COL5A2: variants seen among roughly 807,000 people sequenced by gnomAD.
COL5A2 encodes collagen type V alpha 2 chain.
A neutral mutation model predicts 208.2 loss-of-function variants in COL5A2; 23 were observed. The ratio of observed to expected loss-of-function variants is 0.11; its 90% CI spans 0.08 to 0.16. The LOEUF (loss-of-function observed/expected upper bound fraction) is 0.16, where lower values mean the gene tolerates loss of function less well. Among genes scored for constraint, COL5A2 ranks in the 10% least tolerant of loss-of-function variants. COL5A2 has a pLI of 1.00. For missense variants in COL5A2, 1,590 were observed against 1,956.4 expected, an observed-to-expected ratio of 0.81 and a Z score of 3.53; for synonymous variants, 625 against 628.5, an observed-to-expected ratio of 0.99 and a Z score of 0.08.
chr2:189,311,739 C>A, the COL5A2 span: 3 of 769,700 alleles, frequency 3.9e-6, no homozygotes, highest in African/African-American at 1.7e-5. Context: ...TCTGCTGAGA[C>A]CAGTACTTGT....
intron 6 of COL5A2, 45 bp downstream of exon 6, chr2:189,097,232 T>A (rs1686937282): frequency 6.3e-7 from 1 of 1,591,364 alleles, no homozygotes; most frequent in East Asian, 2.2e-5. Context: ...CAGTGTAAAC[T>A]GACTGGCTGT....
At chr2:189,267,117 G>C in the COL5A2 span, among the ~76,000 whole-genome samples, 1 of 151,984 alleles carries the variant, frequency 6.6e-6, no homozygotes, top group Non-Finnish European at 1.5e-5. Context: ...ATTTGATAGA[G>C]TTATTTTCAT....
intron 9 of COL5A2, 54 bp downstream of exon 9, chr2:189,086,672 A>ATG (rs1284299196): frequency 9.6e-6 from 13 of 1,348,898 alleles, no homozygotes; most frequent in African/African-American, 1.4e-5. Context: ...TATGTAATAT[A>ATG]TGTGTGTGTG....
intron 1 of COL5A2, among the ~76,000 whole-genome samples, chr2:189,113,835 A>G (rs967492966): frequency 1.3e-5 from 2 of 151,866 alleles, no homozygotes; most frequent in African/African-American, 4.8e-5. Flanking sequence ...ACACGTAATG[A>G]TGTCAATTAA....
the COL5A2 span, among the ~76,000 whole-genome samples, chr2:189,431,569 T>G: frequency 6.6e-6 from 1 of 152,110 alleles, no homozygotes; most frequent in Non-Finnish European, 1.5e-5. Flanking sequence ...CAATAGCTGA[T>G]TCAATCAAGT....
At chr2:189,049,294 G>T in intron 44 of COL5A2, 53 bp downstream of exon 44, 1 of 1,253,418 alleles carries the variant, frequency 8.0e-7, no homozygotes, top group Non-Finnish European at 1.2e-6. Context: ...GAAAAAAATT[G>T]TTTCCATGAC....
At chr2:189,295,664 T>A in the COL5A2 span, among the ~76,000 whole-genome samples, 64 of 152,118 alleles carry the variant, frequency 4.2e-4, no homozygotes, top group Non-Finnish European at 8.1e-4. Context: ...TTTAACTTAG[T>A]TTGACAAAAT....
the COL5A2 span, among the ~76,000 whole-genome samples, chr2:189,377,165 G>A: frequency 6.6e-5 from 10 of 152,224 alleles, no homozygotes; most frequent in Non-Finnish European, 1.0e-4. Context: ...CTGCAGAACC[G>A]TACCCAGGCA....
the COL5A2 span, among the ~76,000 whole-genome samples, chr2:189,325,605 T>C: frequency 2.0e-5 from 3 of 152,260 alleles, no homozygotes; most frequent in Admixed American, 1.3e-4. Flanking sequence ...TGCAGTGATT[T>C]TTCTTGTCAT....
chr2:189,176,818 C>A (rs1176599855), intron 1 of COL5A2, among the ~76,000 whole-genome samples: 1 of 151,794 alleles, frequency 6.6e-6, no homozygotes, highest in African/African-American at 2.4e-5. Flanking sequence ...TGATTTTTTT[C>A]ATTTTAACTC....
At chr2:189,331,867 A>G in the COL5A2 span, among the ~76,000 whole-genome samples, 4 of 151,642 alleles carry the variant, frequency 2.6e-5, no homozygotes, top group Admixed American at 2.6e-4. Context: ...GGAGAATGGC[A>G]TGAACCCAGG....
At chr2:189,234,695 G>A in the COL5A2 span, among the ~76,000 whole-genome samples, 2 of 151,650 alleles carry the variant, frequency 1.3e-5, no homozygotes, top group African/African-American at 4.8e-5. Flanking sequence ...TTTTAGCTCC[G>A]CTAATTACTT....
chr2:189,063,909 A>T, intron 26 of COL5A2, 71 bp downstream of exon 26: 1 of 1,233,006 alleles, frequency 8.1e-7, no homozygotes, highest in Non-Finnish European at 1.2e-6. Flanking sequence ...ATTAACCTAA[A>T]TAAATATCAT....
chr2:189,111,636 CTCAT>C (rs1450696107), intron 1 of COL5A2, among the ~76,000 whole-genome samples: 1 of 152,170 alleles, frequency 6.6e-6, no homozygotes, highest in Non-Finnish European at 1.5e-5. Flanking sequence ...TTTCAAAGAA[CTCAT>C]TCACTCAGCC....
chr2:189,399,421 T>C, the COL5A2 span, among the ~76,000 whole-genome samples: 1 of 151,980 alleles, frequency 6.6e-6, no homozygotes, highest in Non-Finnish European at 1.5e-5. Flanking sequence ...CAGCTAATTT[T>C]AGTATTTTTA....
intron 10 of COL5A2, 127 bp from the exon 11 acceptor site, chr2:189,085,340 ATTG>A (rs1370518953): frequency 1.1e-6 from 1 of 914,766 alleles, no homozygotes; most frequent in African/African-American, 1.7e-5. Context: ...AATGATAAAT[ATTG>A]TTGAGACAGA....
intron 1 of COL5A2, among the ~76,000 whole-genome samples, chr2:189,191,978 C>G (rs1049957198): frequency 6.6e-6 from 1 of 151,922 alleles, no homozygotes; most frequent in Admixed American, 6.6e-5. Context: ...AAAGACATAG[C>G]TCAAGAAGAA....
chr2:189,039,567 A>G lies in COL5A2; in HGVS notation c.3634-4T>C, dbSNP rs1484870584. On this transcript the variant is annotated splice_polypyrimidine_tract_variant and splice_region_variant and intron_variant, in intron 50 of 53. Coordinates refer to ENST00000374866, the MANE Select transcript of COL5A2 (RefSeq NM_000393.5). Reference sequence around the variant, plus strand: ...GGCCAGGCTCACCAGGAGGGCCCTAATTAAAAAGAGATTGGAAAGACATTT... The same window carrying G: ...GGCCAGGCTCACCAGGAGGGCCCTAGTTAAAAAGAGATTGGAAAGACATTT... The G allele has an allele frequency of 1.9e-6, 3 of 1,612,670 alleles. No individual in the cohort carries two copies. The highest frequency in any genetic ancestry group is 2.5e-6 in the Non-Finnish European group (3 of 1,179,828).
chr2:189,170,778 G>C (rs1022185266), intron 1 of COL5A2, among the ~76,000 whole-genome samples: 1 of 152,082 alleles, frequency 6.6e-6, no homozygotes, highest in African/African-American at 2.4e-5. Flanking sequence ...AGTAAGGTCA[G>C]TATAATGTGT....
Sources: allele counts gnomAD v4.1 joint callset (sites outside exome capture counted in the v4.1 genomes callset), GRCh38; gene constraint gnomAD v4.1.1; transcripts MANE v1.5; gene names NCBI Gene and HGNC (gene_info 2026-07-23, HGNC 2026-07-21).